B3GALT1: variants seen among roughly 807,000 people sequenced by gnomAD.
B3GALT1 encodes UDP-Gal:betaGlcNAc beta 1,3-galactosyltransferase, polypeptide 1.
In B3GALT1, 10 loss-of-function variants were observed where a neutral mutation model predicts 23.2. The observed-to-expected ratio is 0.43, with a 90% confidence interval of 0.27 to 0.73. The LOEUF is 0.73. Among genes scored for constraint, B3GALT1 ranks in the 30% least tolerant of loss-of-function variants. B3GALT1 has a pLI of 0.21. For missense variants in B3GALT1, 299 were observed against 405.4 expected, an observed-to-expected ratio of 0.74 and a Z score of 2.25; for synonymous variants, 156 against 141.5, an observed-to-expected ratio of 1.10 and a Z score of -0.73.
At chr2:167,436,822 C>T (rs562716886) in intron 1 of B3GALT1, among the ~76,000 whole-genome samples, 105 of 152,130 alleles carry the variant, frequency 6.9e-4, no homozygotes, top group African/African-American at 2.5e-3. Context: ...GGTTAAATAG[C>T]CTAACTACTA....
At chr2:167,386,344 T>C (rs1385934597) in intron 1 of B3GALT1, among the ~76,000 whole-genome samples, 1 of 152,064 alleles carries the variant, frequency 6.6e-6, no homozygotes, top group African/African-American at 2.4e-5. Flanking sequence ...ATTAGATTAC[T>C]GCAAATAGTG....
chr2:167,551,412 G>C (rs539864912), intron 2 of B3GALT1, among the ~76,000 whole-genome samples: 1 of 152,286 alleles, frequency 6.6e-6, no homozygotes, highest in South Asian at 2.1e-4. Flanking sequence ...TAGAGAGAAG[G>C]CAATGTAAGT....
chr2:167,453,221 C>A (rs947028130), intron 1 of B3GALT1, among the ~76,000 whole-genome samples: 1 of 152,142 alleles, frequency 6.6e-6, no homozygotes, highest in Non-Finnish European at 1.5e-5. Flanking sequence ...GATAAATGTG[C>A]TGGCGAGGCT....
chr2:167,678,175 T>C (rs1475482871), intron 3 of B3GALT1, among the ~76,000 whole-genome samples: 2 of 152,234 alleles, frequency 1.3e-5, no homozygotes, highest in Admixed American at 1.3e-4. Context: ...ATAATTAGCC[T>C]TTCTATCTTT....
At chr2:167,714,385 G>A (rs548647526) in intron 3 of B3GALT1, 13 of 1,516,284 alleles carry the variant, frequency 8.6e-6, no homozygotes, top group Non-Finnish European at 1.2e-5. Flanking sequence ...GATTCCCTGG[G>A]CTGCTTGGGC....
chr2:167,349,695 A>C (rs1697280553), intron 1 of B3GALT1, among the ~76,000 whole-genome samples: 1 of 152,186 alleles, frequency 6.6e-6, no homozygotes, highest in Admixed American at 6.5e-5. Context: ...TCGGTGGAAG[A>C]CATGAACAGA....
intron 3 of B3GALT1, among the ~76,000 whole-genome samples, chr2:167,664,603 G>T (rs1686137363): frequency 6.6e-6 from 1 of 152,124 alleles, no homozygotes. Flanking sequence ...AGCATGGAAT[G>T]TTCTTCCATT....
intron 4 of B3GALT1, among the ~76,000 whole-genome samples, chr2:167,826,570 T>C (rs1450005789): frequency 6.6e-6 from 1 of 152,000 alleles, no homozygotes; most frequent in East Asian, 1.9e-4. Context: ...GGGGTGAGTG[T>C]AAGGGATCAG....
At chr2:167,867,597 A>G (rs1278184639) in intron 4 of B3GALT1, among the ~76,000 whole-genome samples, 1 of 152,184 alleles carries the variant, frequency 6.6e-6, no homozygotes, top group Non-Finnish European at 1.5e-5. Flanking sequence ...TTTCATTATG[A>G]CTATTGTGCT....
At chr2:167,589,603 G>A (rs370519384) in intron 2 of B3GALT1, among the ~76,000 whole-genome samples, 1 of 151,830 alleles carries the variant, frequency 6.6e-6, no homozygotes, top group African/African-American at 2.4e-5. Flanking sequence ...TTTATCACAT[G>A]CTTCTGATAT....
intron 2 of B3GALT1, among the ~76,000 whole-genome samples, chr2:167,508,662 C>G (rs1366071308): frequency 6.6e-6 from 1 of 151,878 alleles, no homozygotes; most frequent in East Asian, 1.9e-4. Context: ...TTGGAAATGA[C>G]TGGCATACAC....
chr2:167,610,639 G>A (rs1414576116), intron 2 of B3GALT1, among the ~76,000 whole-genome samples: 1 of 151,876 alleles, frequency 6.6e-6, no homozygotes, highest in African/African-American at 2.4e-5. Flanking sequence ...AACCACACCT[G>A]GTAGTGGTAG....
At chr2:167,641,263 C>G (rs1685648119) in intron 2 of B3GALT1, among the ~76,000 whole-genome samples, 8 of 152,140 alleles carry the variant, frequency 5.3e-5, no homozygotes, top group Admixed American at 5.2e-4. Flanking sequence ...ATGTCTATAC[C>G]TGATATCTGT....
At chr2:167,457,834 G>A (rs751628378) in intron 1 of B3GALT1, among the ~76,000 whole-genome samples, 2 of 152,076 alleles carry the variant, frequency 1.3e-5, no homozygotes, top group Non-Finnish European at 2.9e-5. Flanking sequence ...TGATTTTGTG[G>A]CCCCATTCTA....
At chr2:167,519,819 C>A (rs11892420) in intron 2 of B3GALT1, among the ~76,000 whole-genome samples, 1 of 152,038 alleles carries the variant, frequency 6.6e-6, no homozygotes, top group Non-Finnish European at 1.5e-5. Context: ...CACCTGTAAT[C>A]CCAGTGCTTT....
chr2:167,584,307 C>G (rs1684546050), intron 2 of B3GALT1, among the ~76,000 whole-genome samples: 1 of 152,058 alleles, frequency 6.6e-6, no homozygotes, highest in Non-Finnish European at 1.5e-5. Flanking sequence ...GAGATGTGAG[C>G]CCTTTATCCC....
intron 2 of B3GALT1, among the ~76,000 whole-genome samples, chr2:167,629,975 T>C (rs73015425): frequency 0.016 from 2,422 of 150,238 alleles, 84 homozygotes; most frequent in African/African-American, 0.057. Context: ...TAAAATTAAG[T>C]ATTTTCCAAC....
intron 3 of B3GALT1, among the ~76,000 whole-genome samples, chr2:167,689,558 G>C (rs1338945281): frequency 6.6e-6 from 1 of 152,092 alleles, no homozygotes; most frequent in Non-Finnish European, 1.5e-5. Context: ...GTGAAGGACT[G>C]ATCACCTTAA....
intron 2 of B3GALT1, among the ~76,000 whole-genome samples, chr2:167,632,192 C>T (rs1186507763): frequency 6.6e-6 from 1 of 152,074 alleles, no homozygotes; most frequent in Non-Finnish European, 1.5e-5. Flanking sequence ...TCTAGTCTAT[C>T]ATTGATGGGC....
Sources: gnomAD v4.1 joint callset for allele counts (sites outside exome capture counted in the v4.1 genomes callset) on GRCh38, gnomAD v4.1.1 for gene constraint, MANE v1.5 for transcripts, NCBI Gene and HGNC (gene_info 2026-07-23, HGNC 2026-07-21) for gene names.